COLEC12: variants seen among roughly 807,000 people sequenced by gnomAD.
COLEC12 encodes the protein collectin-12.
Under a neutral mutation model 71.1 loss-of-function variants are expected in COLEC12, and 33 were observed. The ratio of observed to expected loss-of-function variants is 0.46; its 90% confidence interval spans 0.35 to 0.62. The LOEUF is 0.62. COLEC12 is among the 20% of genes least tolerant of loss of function. The pLI, the probability that COLEC12 is intolerant of heterozygous loss-of-function variation, is 0.00. For missense variants in COLEC12, 765 were observed against 916.1 expected, an observed-to-expected ratio of 0.84 and a Z score of 2.13; for synonymous variants, 350 against 353.0, an observed-to-expected ratio of 0.99 and a Z score of 0.10.
At chr18:321,841 A>C in intron 8 of COLEC12, 34 bp from the exon 9 acceptor site, 1 of 1,605,514 alleles carries the variant, frequency 6.2e-7, no homozygotes. Flanking sequence ...TGTTATTTGC[A>C]CAGTAATGCA....
chr18:481,268 G>A (rs1048798827), intron 1 of COLEC12, among the ~76,000 whole-genome samples: 3 of 152,100 alleles, frequency 2.0e-5, no homozygotes, highest in Non-Finnish European at 4.4e-5. Flanking sequence ...CTCAGGAGCC[G>A]ACATAACTCC....
At chr18:445,883 C>T (rs1451330943) in intron 2 of COLEC12, among the ~76,000 whole-genome samples, 1 of 152,172 alleles carries the variant, frequency 6.6e-6, no homozygotes, top group African/African-American at 2.4e-5. Flanking sequence ...CTGCCTGCCT[C>T]AGCCTCCCAA....
chr18:400,512 T>A (rs1424613562), intron 2 of COLEC12, among the ~76,000 whole-genome samples: 1 of 152,196 alleles, frequency 6.6e-6, no homozygotes, highest in South Asian at 2.1e-4. Context: ...CAGAATTACC[T>A]TCTGAAGGGT....
chr18:484,279 C>T (rs1408297326), intron 1 of COLEC12, among the ~76,000 whole-genome samples: 1 of 152,190 alleles, frequency 6.6e-6, no homozygotes, highest in East Asian at 1.9e-4. Flanking sequence ...TTAGCTGTGT[C>T]CTGCTTCTAC....
At chr18:438,082 C>A (rs1408264748) in intron 2 of COLEC12, among the ~76,000 whole-genome samples, 2 of 152,060 alleles carry the variant, frequency 1.3e-5, no homozygotes, top group Non-Finnish European at 2.9e-5. Flanking sequence ...AGTAAGATGA[C>A]TATGTGCTAG....
intron 2 of COLEC12, among the ~76,000 whole-genome samples, chr18:458,902 A>G (rs908219890): frequency 4.6e-5 from 7 of 152,204 alleles, no homozygotes; most frequent in African/African-American, 1.7e-4. Context: ...TGGCACGATC[A>G]TGGTTCATTG....
At chr18:401,338 C>G (rs575379506) in intron 2 of COLEC12, among the ~76,000 whole-genome samples, 1 of 152,286 alleles carries the variant, frequency 6.6e-6, no homozygotes, top group South Asian at 2.1e-4. Context: ...CCTGGCTGGT[C>G]TTTTAAATAA....
chr18:441,191 T>G (rs1438624081), intron 2 of COLEC12, among the ~76,000 whole-genome samples: 2 of 149,154 alleles, frequency 1.3e-5, no homozygotes, highest in Non-Finnish European at 3.0e-5. Context: ...GAGCTTGCAG[T>G]GAGCCGAGAT....
intron 2 of COLEC12, among the ~76,000 whole-genome samples, chr18:441,279 AT>A (rs1598364590): frequency 6.6e-6 from 1 of 152,072 alleles, no homozygotes; most frequent in Non-Finnish European, 1.5e-5. Context: ...TAATAAAAAA[AT>A]AAAGTGCTAT....
intron 1 of COLEC12, among the ~76,000 whole-genome samples, chr18:483,796 C>T (rs1917469690): frequency 6.6e-6 from 1 of 152,230 alleles, no homozygotes; most frequent in Non-Finnish European, 1.5e-5. Flanking sequence ...AAACGCTGAC[C>T]TGCTGCGTCT....
chr18:350,871 A>T (rs1914501500), intron 3 of COLEC12, among the ~76,000 whole-genome samples: 1 of 151,326 alleles, frequency 6.6e-6, no homozygotes, highest in Admixed American at 6.6e-5. Flanking sequence ...GAACCAGGAG[A>T]ATTGCTTGAA....
chr18:407,376 G>A (rs1274145954), intron 2 of COLEC12, among the ~76,000 whole-genome samples: 1 of 152,160 alleles, frequency 6.6e-6, no homozygotes, highest in Non-Finnish European at 1.5e-5. Context: ...AGCCTGGTAA[G>A]TACCAAGATC....
chr18:328,009 C>G (rs1230495002), intron 8 of COLEC12, among the ~76,000 whole-genome samples: 1 of 151,142 alleles, frequency 6.6e-6, no homozygotes, highest in Non-Finnish European at 1.5e-5. Context: ...TTTTTTTTTC[C>G]TCGTTTTTTT....
intron 2 of COLEC12, among the ~76,000 whole-genome samples, chr18:447,255 G>A (rs991852770): frequency 2.0e-5 from 3 of 152,206 alleles, no homozygotes; most frequent in African/African-American, 7.2e-5. Flanking sequence ...GGTCATCTAT[G>A]ATTATGCCAT....
chr18:474,507 G>C (rs1020485417), intron 2 of COLEC12, among the ~76,000 whole-genome samples: 2 of 152,224 alleles, frequency 1.3e-5, no homozygotes, highest in African/African-American at 4.8e-5. Flanking sequence ...CTCTTGGCAG[G>C]AAGAAGGGAA....
intron 3 of COLEC12, among the ~76,000 whole-genome samples, chr18:356,891 G>C (rs999204343): frequency 6.6e-6 from 1 of 152,098 alleles, no homozygotes; most frequent in African/African-American, 2.4e-5. Flanking sequence ...ATTTCTACAG[G>C]GCAGTATTTT....
At chr18:414,547 G>C (rs10459985) in intron 2 of COLEC12, among the ~76,000 whole-genome samples, 1 of 151,956 alleles carries the variant, frequency 6.6e-6, no homozygotes, top group Non-Finnish European at 1.5e-5. Flanking sequence ...GCAGTGAGCC[G>C]AGATCATGCC....
chr18:467,012 G>A (rs908593391), intron 2 of COLEC12, among the ~76,000 whole-genome samples: 3 of 152,060 alleles, frequency 2.0e-5, no homozygotes, highest in East Asian at 3.8e-4. Flanking sequence ...AGTCAGTAAG[G>A]AAAAGAAAAA....
intron 2 of COLEC12, among the ~76,000 whole-genome samples, chr18:456,843 C>T (rs927357272): frequency 1.3e-5 from 2 of 152,118 alleles, no homozygotes; most frequent in African/African-American, 2.4e-5. Flanking sequence ...CAGAGCTCTA[C>T]CCAGAAAGCA....
Sources: gnomAD v4.1 joint callset for allele counts (sites outside exome capture counted in the v4.1 genomes callset) on GRCh38, gnomAD v4.1.1 for gene constraint, MANE v1.5 for transcripts, NCBI Gene and HGNC (gene_info 2026-07-23, HGNC 2026-07-21) for gene names.